The following NINL variants were observed in gnomAD, a reference collection of about 807,000 sequenced individuals.
The protein encoded by NINL is ninein-like protein.
In NINL, 153 loss-of-function variants were observed where a neutral mutation model predicts 160.3. The ratio of observed to expected loss-of-function variants is 0.95; its 90% CI spans 0.84 to 1.09. The LOEUF (loss-of-function observed/expected upper bound fraction) is 1.09. NINL is among the 50% of genes least tolerant of loss of function. NINL has a pLI of 0.00. For missense variants in NINL, 1,829 were observed against 1,764.0 expected (o/e 1.04, Z -0.66); for synonymous variants, 800 against 734.8 (o/e 1.09, Z -1.43).
intron 1 of NINL, among the ~76,000 whole-genome samples, chr20:25,575,446 C>CAAAA (rs1167252309): frequency 4.6e-5 from 2 of 43,758 alleles, no homozygotes; most frequent in Non-Finnish European, 9.5e-5. Flanking sequence ...GACTCCGTCT[C>CAAAA]AAAAAAAAAA....
At chr20:25,506,408 T>C (rs1466247784) in intron 5 of NINL, among the ~76,000 whole-genome samples, 2 of 152,254 alleles carry the variant, frequency 1.3e-5, no homozygotes, top group Admixed American at 6.5e-5. Context: ...GACTGCACTA[T>C]GACAGCAGCC....
At chr20:25,460,008 T>C (rs1251392571) in intron 21 of NINL, among the ~76,000 whole-genome samples, 1 of 152,060 alleles carries the variant, frequency 6.6e-6, no homozygotes, top group Non-Finnish European at 1.5e-5. Context: ...TTCCTGTCCT[T>C]CCCGTGGAGA....
In NINL at chr20:25,476,545, C is replaced by A; in HGVS notation, c.2746G>T (p.Gly916Trp). 2 of 1,600,168 alleles carry A rather than the reference C, an allele frequency of 1.2e-6. No individual in the cohort carries two copies. The highest frequency in any genetic ancestry group is 1.7e-6 in the Non-Finnish European group (2 of 1,179,832). ...TCTGGCTCCTTTGGGACAATATCCC[C>A]ATCCACTCCACAGGGCTGCATGCGT... Reference protein sequence around the residue: ...WSRMQPCGVDGDIVPKEPEPF... With the variant: ...WSRMQPCGVDWDIVPKEPEPF... The change falls in exon 17 of 24, where the codon GGG (glycine) becomes TGG (tryptophan). Residue 916 changes from glycine to tryptophan, a missense_variant. Transcript: ENST00000278886.
At chr20:25,509,540 C>T (rs946966367) in intron 5 of NINL, 1 of 398,138 alleles carries the variant, frequency 2.5e-6, no homozygotes, top group Non-Finnish European at 5.0e-6. Context: ...GAGCCCCAAG[C>T]TGCTCTGAGA....
At chr20:25,551,434 A>C (rs2064806606) in intron 1 of NINL, among the ~76,000 whole-genome samples, 1 of 152,226 alleles carries the variant, frequency 6.6e-6, no homozygotes, top group Non-Finnish European at 1.5e-5. Flanking sequence ...CCTGCCCCTA[A>C]CAGATGTAGA....
Position 25,476,536 on chromosome 20 carries a change from C to T in NINL, c.2755G>A (p.Val919Ile). Residue 919 changes from valine (V) to isoleucine (I), a missense_variant, in exon 17 of 24, where the codon GTC becomes ATC. By Grantham distance (29) the Val-to-Ile change is conservative. Coordinates refer to ENST00000278886, the MANE Select transcript of NINL (RefSeq NM_025176.6). ...MQPCGVDGDI[V>I]PKEPEPFGAS... ...CCGAAAGGCTCTGGCTCCTTTGGGA[C>T]AATATCCCCATCCACTCCACAGGGC... 1 of 1,600,532 alleles carries T rather than the reference C, an allele frequency of 6.2e-7. No homozygotes were observed. The highest frequency in any genetic ancestry group is 8.5e-7 in the Non-Finnish European group (1 of 1,179,822).
intron 14 of NINL, 129 bp downstream of exon 14, chr20:25,481,839 A>C: frequency 7.4e-7 from 1 of 1,356,106 alleles, no homozygotes; most frequent in Non-Finnish European, 1.0e-6. Context: ...GTCCCTGCAG[A>C]GCAGACCACC....
intron 20 of NINL, among the ~76,000 whole-genome samples, chr20:25,461,893 C>T (rs1032223067): frequency 1.3e-5 from 2 of 152,158 alleles, no homozygotes; most frequent in South Asian, 2.1e-4. Context: ...GCAGTGGGAG[C>T]GTTTCCTGGG....
chr20:25,536,114 C>CA (rs1241275931), intron 1 of NINL, among the ~76,000 whole-genome samples: 2 of 152,200 alleles, frequency 1.3e-5, no homozygotes, highest in African/African-American at 4.8e-5. Context: ...AGAGCCAACC[C>CA]AGGGCCTTCC....
intron 12 of NINL, among the ~76,000 whole-genome samples, chr20:25,489,584 C>A (rs1187180177): frequency 6.6e-6 from 1 of 152,076 alleles, no homozygotes; most frequent in Non-Finnish European, 1.5e-5. Context: ...AGCCCCTCTC[C>A]CCATCCTCCT....
intron 1 of NINL, among the ~76,000 whole-genome samples, chr20:25,576,395 A>G (rs2065116504): frequency 6.6e-6 from 1 of 152,226 alleles, no homozygotes; most frequent in African/African-American, 2.4e-5. Context: ...CTTGGTTAGC[A>G]TGGTGACTGC....
chr20:25,520,390 C>CT (rs1384938691), intron 2 of NINL, among the ~76,000 whole-genome samples: 1 of 152,250 alleles, frequency 6.6e-6, no homozygotes. Flanking sequence ...GAGCACACCT[C>CT]TGTTGCTGCC....
At chr20:25,478,633 A>G (rs543322371) in intron 16 of NINL, among the ~76,000 whole-genome samples, 1 of 152,208 alleles carries the variant, frequency 6.6e-6, no homozygotes, top group East Asian at 1.9e-4. Flanking sequence ...GGTGTCTCTG[A>G]GCGATGGAGG....
rs533706289 is a variant in NINL, at chr20:25,483,143, G to A, written c.1678-1043C>T. Among the ~76,000 whole-genome samples the A allele has an allele frequency of 9.9e-5, 15 of 151,292 alleles. 1 individual carries two copies. Among genetic ancestry groups the A allele is most frequent in the African/African-American group, 3.4e-4 (14 of 40,690 alleles). On this transcript the variant is annotated intron_variant, in intron 13 of 23. Transcript: ENST00000278886. ...AGGTCAAGAGATCGAGACCATCCTG[G>A]CCAACATGGCGAAACCCCGGTCTCT...
chr20:25,473,172 G>A (rs956355055), intron 17 of NINL, among the ~76,000 whole-genome samples: 1 of 152,320 alleles, frequency 6.6e-6, no homozygotes, highest in Admixed American at 6.5e-5. Flanking sequence ...AATCTATGCT[G>A]TAAGAAGTGG....
At chr20:25,544,651 C>T (rs1186454360) in intron 1 of NINL, among the ~76,000 whole-genome samples, 1 of 152,186 alleles carries the variant, frequency 6.6e-6, no homozygotes, top group Non-Finnish European at 1.5e-5. Context: ...ACACTGGAGT[C>T]TGTATTTTTC....
At chr20:25,472,326 T>G (rs1313033630) in intron 17 of NINL, among the ~76,000 whole-genome samples, 11 of 24,344 alleles carry the variant, frequency 4.5e-4, no homozygotes, top group African/African-American at 1.8e-3. Flanking sequence ...GAGGAGAGGA[T>G]ATATATATAT....
At position 25,526,558 on chromosome 20, in the gene NINL, C is replaced by G; in HGVS notation, c.30G>C (p.Ser10=). MDEEENHYV[S]QLREVYSSCD... ...AGCTGCTGTAGACTTCCCTGAGCTG[C>G]GAGACATAGTGGTTCTCTTCTTCAT... is the stretch of plus-strand genomic sequence containing the variant. Residue 10 remains serine (S), a synonymous_variant, in exon 2 of 24, where the codon TCG becomes TCC. Transcript: ENST00000278886. The G allele has an allele frequency of 1.9e-6, 3 of 1,614,140 alleles. No homozygotes were observed. Among genetic ancestry groups the G allele is most frequent in the Non-Finnish European group, 2.5e-6 (3 of 1,179,994 alleles).
chr20:25,533,889 G>T (rs1568949452), intron 1 of NINL, among the ~76,000 whole-genome samples: 2 of 152,194 alleles, frequency 1.3e-5, no homozygotes, highest in Non-Finnish European at 2.9e-5. Context: ...TAAACAGAGA[G>T]AAAGCTTCAT....
Sources: gnomAD v4.1 joint callset for allele counts (sites outside exome capture counted in the v4.1 genomes callset) on GRCh38, gnomAD v4.1.1 for gene constraint, MANE v1.5 for transcripts, NCBI Gene and HGNC (gene_info 2026-07-23, HGNC 2026-07-21) for gene names.